Variants in CHRNA9 observed in about 807,000 individuals in gnomAD.
The protein encoded by CHRNA9 is neuronal acetylcholine receptor subunit alpha-9.
In CHRNA9, 24 loss-of-function variants were observed where a neutral mutation model predicts 36.8. The ratio of observed to expected loss-of-function variants is 0.65; its 90% CI spans 0.47 to 0.92. The LOEUF is 0.92. CHRNA9 is among the 40% of genes least tolerant of loss of function. CHRNA9 has a pLI of 0.00. For missense variants in CHRNA9, 610 were observed against 601.2 expected, an observed-to-expected ratio of 1.01 and a Z score of -0.15; for synonymous variants, 231 against 231.8, an observed-to-expected ratio of 1.00 and a Z score of 0.03.
chr4:40,351,225 G>A (rs10007267), intron 4 of CHRNA9, among the ~76,000 whole-genome samples: 14,836 of 151,498 alleles, frequency 0.098, 1,346 homozygotes, highest in African/African-American at 0.23. Flanking sequence ...CCAGCTACTT[G>A]GGAGGCTGAG....
At chr4:40,349,569 T>G in intron 4 of CHRNA9, 155 bp downstream of exon 4, 1 of 671,324 alleles carries the variant, frequency 1.5e-6, no homozygotes, top group Non-Finnish European at 2.6e-6. Context: ...AGTTAGCATC[T>G]TTCAATATAG....
intron 4 of CHRNA9, among the ~76,000 whole-genome samples, chr4:40,350,726 A>ACACACACC (rs1453479700): frequency 4.0e-5 from 6 of 148,156 alleles, no homozygotes; most frequent in South Asian, 2.2e-4. Flanking sequence ...ACACACACAC[A>ACACACACC]CCTCTCTTTT....
chr4:40,343,695 C>T (rs923459923), intron 3 of CHRNA9, among the ~76,000 whole-genome samples: 1 of 152,166 alleles, frequency 6.6e-6, no homozygotes, highest in African/African-American at 2.4e-5. Context: ...ACATGCCTTC[C>T]CAACCTCCGG....
chr4:40,340,426 T>C (rs1369111417), intron 3 of CHRNA9, among the ~76,000 whole-genome samples: 1 of 152,220 alleles, frequency 6.6e-6, no homozygotes, highest in African/African-American at 2.4e-5. Context: ...GATGACATCT[T>C]CATGCCTTTA....
chr4:40,349,719 T>C (rs763463019), intron 4 of CHRNA9: 4 of 289,416 alleles, frequency 1.4e-5, no homozygotes, highest in Non-Finnish European at 2.6e-5. Context: ...TGGGAACTTA[T>C]AGAAACACAA....
Position 40,335,342 on chromosome 4 carries a change from C to T in CHRNA9, c.-126C>T. The T allele has an allele frequency of 1.3e-6, 1 of 742,966 alleles. No homozygotes were observed. 46.0% of individuals were successfully genotyped at this position (742,966 alleles called of 1,614,324 possible). A position where few individuals can be genotyped will look rare whatever the true frequency, so the allele number is the denominator to read the frequency against. On this transcript the variant is annotated 5_prime_UTR_variant, in exon 1 of 5. Transcript: ENST00000310169. Reference sequence around the variant, plus strand: ...TCTCGGTCCTGCATGCAATGCAAGCCTGAGCTCTCCCGCCATAAGGCTGCA... The same window carrying T: ...TCTCGGTCCTGCATGCAATGCAAGCTTGAGCTCTCCCGCCATAAGGCTGCA...
At position 40,354,857 on chromosome 4, in the gene CHRNA9, G is replaced by A; in HGVS notation, c.*337G>A. On this transcript the variant is annotated 3_prime_UTR_variant, in exon 5 of 5. Coordinates refer to ENST00000310169, the MANE Select transcript of CHRNA9 (RefSeq NM_017581.4). ...TACTGGTAAAATTTAAAACAAAAAA[G>A]GCAAAACAAAACAAACTCATTTTCC... is the stretch of plus-strand genomic sequence containing the variant. 1 of 190,722 alleles carries A rather than the reference G, an allele frequency of 5.2e-6. No homozygotes were observed. The highest frequency in any genetic ancestry group is 1.1e-5 in the Non-Finnish European group (1 of 91,438). The allele number at this position is 190,722 out of a possible 1,614,324, so 11.8% of individuals were successfully genotyped here. A position where few individuals can be genotyped will look rare whatever the true frequency, so the allele number is the denominator to read the frequency against.
chr4:40,346,158 G>A (rs1029389161), intron 3 of CHRNA9, among the ~76,000 whole-genome samples: 10 of 152,340 alleles, frequency 6.6e-5, no homozygotes, highest in African/African-American at 2.4e-4. Flanking sequence ...GCACCAGTGG[G>A]CAATTGCAGG....
At chr4:40,340,489 CT>C (rs1380165430) in intron 3 of CHRNA9, among the ~76,000 whole-genome samples, 4 of 152,082 alleles carry the variant, frequency 2.6e-5, no homozygotes, top group Non-Finnish European at 5.9e-5. Flanking sequence ...AAGAAGGGCC[CT>C]TAGTCATGGC....
At chr4:40,341,804 G>A (rs1376275957) in intron 3 of CHRNA9, among the ~76,000 whole-genome samples, 1 of 152,160 alleles carries the variant, frequency 6.6e-6, no homozygotes, top group Middle Eastern at 3.2e-3. Context: ...CAAGAACGTG[G>A]ACGACCTGTA....
At chr4:40,337,474 T>A in intron 3 of CHRNA9, 110 bp downstream of exon 3, 1 of 1,235,954 alleles carries the variant, frequency 8.1e-7, no homozygotes, top group Non-Finnish European at 1.1e-6. Flanking sequence ...TAAATATTAA[T>A]CCATGTTCCT....
intron 4 of CHRNA9, among the ~76,000 whole-genome samples, chr4:40,352,514 C>G (rs541184700): frequency 3.9e-5 from 6 of 152,248 alleles, no homozygotes; most frequent in Middle Eastern, 3.4e-3. Flanking sequence ...TGTGAGCCAC[C>G]GTGCCCGACT....
rs777113413 is a variant in CHRNA9, at chr4:40,354,015, C to T, written c.935C>T (p.Ala312Val). 3.1e-6 allele frequency: 5 copies of T among 1,611,654 alleles called. No homozygotes were observed. The highest frequency in any genetic ancestry group is 1.7e-5 in the Admixed American group (1 of 59,764). The stretch of plus-strand genomic sequence containing the variant: ...ATAGCCACGATGGCCCTGATCACAG[C>T]CTCCACTGCGTTGACCATCATGGTG... ...YYIATMALIT[A>V]STALTIMVMN... The change falls in exon 5 of 5, where the codon GCC (alanine) becomes GTC (valine). Residue 312 changes from alanine to valine, a missense_variant. By Grantham distance (64) the Ala-to-Val change is moderately conservative. Transcript: ENST00000310169.
chr4:40,341,352 G>A (rs1402268212), intron 3 of CHRNA9, among the ~76,000 whole-genome samples: 6 of 151,696 alleles, frequency 4.0e-5, no homozygotes, highest in Non-Finnish European at 5.9e-5. Context: ...TGGTGTGATC[G>A]TAGCTTACTG....
rs972896581 is a variant in CHRNA9, at chr4:40,354,349, G to A, written c.1269G>A (p.Val423=). The change falls in exon 5 of 5, where the codon GTG becomes GTA. Residue 423 remains valine (V), a synonymous_variant. Coordinates refer to ENST00000310169, the MANE Select transcript of CHRNA9 (RefSeq NM_017581.4). ...EAESYCAQYK[V]LTRNIEYIAK... is the part of the protein sequence containing the mutation. The stretch of plus-strand genomic sequence containing the variant: ...AGAGTTACTGTGCACAGTACAAAGT[G>A]CTGACGAGGAATATTGAGTACATCG... 2 of 1,614,084 alleles carry A rather than the reference G, an allele frequency of 1.2e-6. No homozygotes were observed. Among genetic ancestry groups the A allele is most frequent in the African/African-American group, 2.7e-5 (2 of 74,922 alleles).
At chr4:40,339,370 T>C (rs1712431466) in intron 3 of CHRNA9, among the ~76,000 whole-genome samples, 1 of 146,200 alleles carries the variant, frequency 6.8e-6, no homozygotes, top group African/African-American at 2.5e-5. Flanking sequence ...CTGTAAGTTC[T>C]TTTTTTTTTA....
chr4:40,353,986 C>T lies in CHRNA9; in HGVS notation c.906C>T (p.Tyr302=). 1 of 1,595,940 alleles carries T rather than the reference C, an allele frequency of 6.3e-7. No homozygotes were observed. The highest frequency in any genetic ancestry group is 1.1e-5 in the South Asian group (1 of 89,664). ...TTGTTATTTTAATTCCAGGTAAATA[C>T]TACATAGCCACGATGGCCCTGATCA... ...ASENVPLIGK[Y]YIATMALITA... Residue 302 remains tyrosine (Y), a synonymous_variant, in exon 5 of 5, where the codon TAC becomes TAT. Coordinates refer to ENST00000310169, the MANE Select transcript of CHRNA9 (RefSeq NM_017581.4).
rs747615516 is a variant in CHRNA9, at chr4:40,349,364, A to G, written c.848A>G (p.Gln283Arg). The G allele has an allele frequency of 1.9e-6, 3 of 1,613,998 alleles. No homozygotes were observed. In the South Asian group the frequency reaches 3.3e-5, roughly 18 times the overall value. Reference sequence around the variant, plus strand: ...ATCCTGTTGGCCATGACTGTATTTCAGCTAATGGTGGCAGAAATCATGCCG... The same window carrying G: ...ATCCTGTTGGCCATGACTGTATTTCGGCTAATGGTGGCAGAAATCATGCCG... ...VTILLAMTVFQLMVAEIMPAS... is the reference protein window; with the variant it reads ...VTILLAMTVFRLMVAEIMPAS... The change falls in exon 4 of 5, where the codon CAG becomes CGG. Residue 283 changes from glutamine to arginine, a missense_variant. Physicochemically the swap from Gln to Arg is conservative, Grantham distance 43 (BLOSUM62 1). Coordinates refer to ENST00000310169, the MANE Select transcript of CHRNA9 (RefSeq NM_017581.4).
At chr4:40,335,644 T>A (rs1712294834) in intron 1 of CHRNA9, 113 bp downstream of exon 1, 1 of 1,026,316 alleles carries the variant, frequency 9.7e-7, no homozygotes, top group Non-Finnish European at 1.5e-6. Context: ...ATGGAAGTGT[T>A]CTGTGCTTCC....
Sources: gnomAD v4.1 joint callset for allele counts (sites outside exome capture counted in the v4.1 genomes callset) on GRCh38, gnomAD v4.1.1 for gene constraint, MANE v1.5 for transcripts, NCBI Gene and HGNC (gene_info 2026-07-23, HGNC 2026-07-21) for gene names.